The following GALNTL6 variants were observed in gnomAD, a reference collection of about 807,000 sequenced individuals.
GALNTL6 encodes the protein polypeptide N-acetylgalactosaminyltransferase-like 6.
GALNTL6 carries 46 observed loss-of-function variants against 73.7 expected under a neutral mutation model. That is an observed-to-expected ratio of 0.62 (90% CI 0.49 to 0.80). The LOEUF (loss-of-function observed/expected upper bound fraction) is 0.80. Among genes scored for constraint, GALNTL6 ranks in the 30% least tolerant of loss-of-function variants. The pLI is 0.00. For synonymous variants in GALNTL6, 259 were observed against 263.7 expected (o/e 0.98, Z 0.17); for missense variants, 604 against 755.0 (o/e 0.80, Z 2.34).
intron 11 of GALNTL6, among the ~76,000 whole-genome samples, chr4:173,016,946 C>T (rs1056944997): frequency 1.3e-5 from 2 of 152,094 alleles, no homozygotes; most frequent in Non-Finnish European, 2.9e-5. Context: ...GGGGTGGTTA[C>T]CCTCATGTTG....
Position 172,948,442 on chromosome 4 carries a change from T to A in GALNTL6, c.1150-3595T>A, listed in dbSNP as rs148413048. Among the ~76,000 whole-genome samples the A allele has an allele frequency of 3.0e-3, 459 of 152,146 alleles. 3 individuals carry two copies. The highest frequency in any genetic ancestry group is 5.3e-3 in the Non-Finnish European group (359 of 67,992). On this transcript the variant is annotated intron_variant, in intron 9 of 12. Coordinates refer to ENST00000506823, the MANE Select transcript of GALNTL6 (RefSeq NM_001034845.3). ...TTTTTGGTTTGATTTTTCTTTTTGC[T>A]GTTGTTGTTGCTGTTTTGTTTTTCT... is the stretch of plus-strand genomic sequence containing the variant.
chr4:172,972,064 G>A (rs1431931006), intron 10 of GALNTL6, among the ~76,000 whole-genome samples: 4 of 151,990 alleles, frequency 2.6e-5, no homozygotes, highest in Non-Finnish European at 1.5e-5. Flanking sequence ...AGAATACAGA[G>A]AGAAAAAAAG....
intron 8 of GALNTL6, among the ~76,000 whole-genome samples, chr4:172,897,611 T>C (rs1746398732): frequency 6.6e-6 from 1 of 152,214 alleles, no homozygotes; most frequent in Non-Finnish European, 1.5e-5. Flanking sequence ...TCTGTTTCCA[T>C]GCTTGAACTT....
chr4:172,029,834 G>A (rs1379814963), intron 2 of GALNTL6, among the ~76,000 whole-genome samples: 1 of 152,032 alleles, frequency 6.6e-6, no homozygotes, highest in Non-Finnish European at 1.5e-5. Context: ...GGTGTTTTAT[G>A]ATTTTTATAG....
At chr4:172,640,629 T>TAA (rs1739930619) in intron 5 of GALNTL6, among the ~76,000 whole-genome samples, 1 of 152,146 alleles carries the variant, frequency 6.6e-6, no homozygotes, top group African/African-American at 2.4e-5. Flanking sequence ...TCTCCATGTG[T>TAA]GTGCACCCTT....
intron 2 of GALNTL6, among the ~76,000 whole-genome samples, chr4:172,188,477 C>A (rs1348637808): frequency 6.6e-6 from 1 of 152,130 alleles, no homozygotes; most frequent in Non-Finnish European, 1.5e-5. Flanking sequence ...CAGTGGAGAA[C>A]AAAAGTGACA....
chr4:172,984,492 T>C (rs920976221), intron 10 of GALNTL6, among the ~76,000 whole-genome samples: 1 of 152,180 alleles, frequency 6.6e-6, no homozygotes, highest in Non-Finnish European at 1.5e-5. Context: ...AGGTGATATT[T>C]TGGGGGGCGG....
chr4:172,610,610 A>G (rs775261683), intron 5 of GALNTL6, among the ~76,000 whole-genome samples: 14 of 151,962 alleles, frequency 9.2e-5, no homozygotes, highest in Non-Finnish European at 2.1e-4. Flanking sequence ...ATGGCTGAGC[A>G]TATGGTCAAT....
intron 5 of GALNTL6, among the ~76,000 whole-genome samples, chr4:172,484,094 A>G (rs1285722914): frequency 6.6e-6 from 1 of 152,154 alleles, no homozygotes; most frequent in Admixed American, 6.5e-5. Flanking sequence ...GCTGTAGAAG[A>G]AGGAGAACAT....
chr4:172,178,482 A>G (rs1396857636), intron 2 of GALNTL6, among the ~76,000 whole-genome samples: 2 of 151,794 alleles, frequency 1.3e-5, no homozygotes, highest in African/African-American at 4.8e-5. Flanking sequence ...ATGTGTTCTC[A>G]TTGTTCAACT....
At chr4:172,280,035 T>A (rs569092738) in intron 3 of GALNTL6, among the ~76,000 whole-genome samples, 4 of 152,206 alleles carry the variant, frequency 2.6e-5, no homozygotes, top group African/African-American at 7.2e-5. Context: ...AGTAGTTAAA[T>A]TCACAAAAAC....
chr4:172,688,010 G>T (rs918266440), intron 5 of GALNTL6, among the ~76,000 whole-genome samples: 3 of 152,158 alleles, frequency 2.0e-5, no homozygotes, highest in African/African-American at 7.2e-5. Context: ...CGGCAAATGT[G>T]TTCCTAGGAA....
chr4:172,918,263 G>A (rs940309754), intron 8 of GALNTL6, among the ~76,000 whole-genome samples: 1 of 152,012 alleles, frequency 6.6e-6, no homozygotes, highest in African/African-American at 2.4e-5. Flanking sequence ...GCAAGGGATA[G>A]CATTAGGAGA....
chr4:171,893,133 G>T (rs1375859661), intron 2 of GALNTL6, among the ~76,000 whole-genome samples: 4 of 152,196 alleles, frequency 2.6e-5, no homozygotes, highest in African/African-American at 7.2e-5. Flanking sequence ...CTCCCAAACA[G>T]AATTTAAGTT....
chr4:172,335,301 G>A (rs145708526), intron 4 of GALNTL6, among the ~76,000 whole-genome samples: 7 of 152,260 alleles, frequency 4.6e-5, no homozygotes, highest in East Asian at 1.9e-4. Flanking sequence ...CTAACTGATC[G>A]TGGTGAATTA....
At chr4:172,015,298 A>T (rs781047195) in intron 2 of GALNTL6, among the ~76,000 whole-genome samples, 3 of 152,026 alleles carry the variant, frequency 2.0e-5, no homozygotes, top group Admixed American at 2.0e-4. Context: ...TCCCTTTATC[A>T]TTATATAATG....
chr4:171,877,714 T>C (rs1736317896), intron 2 of GALNTL6, among the ~76,000 whole-genome samples: 1 of 152,192 alleles, frequency 6.6e-6, no homozygotes, highest in Non-Finnish European at 1.5e-5. Context: ...TTGGTGATGC[T>C]TTTCCGGAAA....
At chr4:171,883,854 G>A (rs1355041420) in intron 2 of GALNTL6, among the ~76,000 whole-genome samples, 3 of 151,794 alleles carry the variant, frequency 2.0e-5, no homozygotes, top group Non-Finnish European at 4.4e-5. Context: ...TCTCCGTGTT[G>A]GTCAGGGTGG....
chr4:171,972,423 C>T (rs1448898475), intron 2 of GALNTL6, among the ~76,000 whole-genome samples: 1 of 151,756 alleles, frequency 6.6e-6, no homozygotes, highest in East Asian at 1.9e-4. Context: ...ATTATGTTGT[C>T]CTAGGATTAT....
Sources: gnomAD v4.1 joint callset for allele counts (sites outside exome capture counted in the v4.1 genomes callset) on GRCh38, gnomAD v4.1.1 for gene constraint, MANE v1.5 for transcripts, NCBI Gene and HGNC (gene_info 2026-07-23, HGNC 2026-07-21) for gene names.